Variants in STK26 observed in about 807,000 individuals in gnomAD.
STK26 encodes serine/threonine kinase 26, also known as serine/threonine-protein kinase 26.
Under a neutral mutation model 34.7 loss-of-function variants are expected in STK26, and 14 were observed. The observed-to-expected ratio is 0.40, with a 90% CI of 0.27 to 0.63. STK26 has a LOEUF of 0.63. STK26 is among the 30% of genes least tolerant of loss of function. The pLI is 0.38. For synonymous variants in STK26, 100 were observed against 109.8 expected, an observed-to-expected ratio of 0.91 and a Z score of 0.56; for missense variants, 226 against 309.1, an observed-to-expected ratio of 0.73 and a Z score of 2.02.
intron 3 of STK26, 36 bp downstream of exon 3, chrX:132,054,897 A>G: frequency 1.8e-6 from 2 of 1,082,240 alleles, no homozygotes; most frequent in Non-Finnish European, 2.5e-6. Flanking sequence ...GTCATAAGGT[A>G]TTTTCATTAG....
At chrX:132,047,807 C>T (rs73237339) in intron 2 of STK26, among the ~76,000 whole-genome samples, 8,518 of 111,578 alleles carry the variant, frequency 0.076, 323 homozygotes, top group Non-Finnish European at 0.11. Context: ...ATCATTTTCA[C>T]CAACATCTTT....
Position 132,056,762 on chromosome X carries a change from C to T in STK26, c.273+1901C>T, listed in dbSNP as rs747495926. On this transcript the variant is annotated intron_variant, in intron 3 of 11. Coordinates refer to ENST00000394334, the MANE Select transcript of STK26 (RefSeq NM_016542.4). ...TACCCCCTACTGCTGCACAGAGCTA[C>T]AGTGGCTCTGAGGGTGGCGTAGGGC... is the stretch of plus-strand genomic sequence containing the variant. 8.9e-5 allele frequency among the ~76,000 whole-genome samples: 10 copies of T among 112,682 alleles called. No individual in the cohort carries two copies. The South Asian group carries it at 3.6e-3, about 41-fold the overall frequency.
intron 2 of STK26, among the ~76,000 whole-genome samples, chrX:132,044,775 C>A (rs867357880): frequency 1.5e-4 from 5 of 34,059 alleles, no homozygotes; most frequent in African/African-American, 6.0e-4. Flanking sequence ...ATAGAGAGAT[C>A]TATATATATA....
At chrX:132,054,923 A>T in intron 3 of STK26, 62 bp downstream of exon 3, 1 of 993,742 alleles carries the variant, frequency 1.0e-6, no homozygotes, top group Non-Finnish European at 1.4e-6. Context: ...TTTTAATTCT[A>T]TTTTTTTGAA....
intron 8 of STK26, 138 bp downstream of exon 8, chrX:132,071,355 T>G (rs1184228301): frequency 9.9e-6 from 7 of 706,753 alleles, no homozygotes; most frequent in Non-Finnish European, 1.5e-5. Context: ...TGTAAAAATC[T>G]TTTTCAATCA....
chrX:132,074,168 T>C lies in STK26; in HGVS notation c.*9T>C. 1 of 1,204,345 alleles carries C rather than the reference T, an allele frequency of 8.3e-7. No individual in the cohort carries two copies. The highest frequency in any genetic ancestry group is 1.1e-6 in the Non-Finnish European group (1 of 891,148). ...CAGACGAATCCCCCTAAGAAACTTATTATTGGCTTCTGTTTCATATGGACC... is the reference window on the plus strand; with the variant it reads ...CAGACGAATCCCCCTAAGAAACTTACTATTGGCTTCTGTTTCATATGGACC... On this transcript the variant is annotated 3_prime_UTR_variant, in exon 12 of 12. Transcript: ENST00000394334.
intron 2 of STK26, among the ~76,000 whole-genome samples, chrX:132,047,526 C>G (rs1926538702): frequency 1.8e-5 from 2 of 110,838 alleles, no homozygotes; most frequent in African/African-American, 6.6e-5. Context: ...ACTGATAAAG[C>G]TGGAATTGGA....
chrX:132,046,982 A>T (rs1460645319), intron 2 of STK26, among the ~76,000 whole-genome samples: 1 of 112,476 alleles, frequency 8.9e-6, no homozygotes, highest in African/African-American at 3.2e-5. Context: ...TTGTACACTT[A>T]GTTAAAATAT....
chrX:132,046,292 C>A (rs1190675602), intron 2 of STK26, among the ~76,000 whole-genome samples: 1 of 111,150 alleles, frequency 9.0e-6, no homozygotes, highest in Non-Finnish European at 1.9e-5. Flanking sequence ...CCTATCCTCT[C>A]GTGAGTAGGA....
At chrX:132,036,649 A>T (rs186730915) in intron 2 of STK26, among the ~76,000 whole-genome samples, 1 of 111,675 alleles carries the variant, frequency 9.0e-6, no homozygotes, top group Non-Finnish European at 1.9e-5. Flanking sequence ...TCCCTAAGCG[A>T]CTTGCTTCCT....
intron 3 of STK26, among the ~76,000 whole-genome samples, chrX:132,059,723 G>A (rs1050996916): frequency 9.0e-6 from 1 of 110,909 alleles, no homozygotes; most frequent in African/African-American, 3.3e-5. Flanking sequence ...GCTGAAAATT[G>A]CCTTTAGATT....
intron 3 of STK26, among the ~76,000 whole-genome samples, chrX:132,061,711 A>G (rs754819341): frequency 2.0e-4 from 22 of 111,969 alleles, no homozygotes; most frequent in Non-Finnish European, 3.8e-4. Context: ...CTACAATGTC[A>G]GTTCCACTCT....
chrX:132,061,141 A>C (rs5933056), intron 3 of STK26, among the ~76,000 whole-genome samples: 7,784 of 112,116 alleles, frequency 0.069, 217 homozygotes, highest in South Asian at 0.1. Flanking sequence ...TCATTCATGC[A>C]GAACTGCAAA....
intron 9 of STK26, 102 bp downstream of exon 9, chrX:132,072,463 C>G: frequency 1.5e-6 from 1 of 657,293 alleles, no homozygotes; most frequent in Non-Finnish European, 2.4e-6. Context: ...CCCCTAAATG[C>G]CTGTCTGCCT....
chrX:132,023,541 C>A lies in STK26; in HGVS notation c.-77C>A. ...CGAAAAGCCTGGGAGGGCCGCCGAA[C>A]TACCCCCGGAGGGAGGAGCCAGTCC... On this transcript the variant is annotated 5_prime_UTR_variant, in exon 2 of 12. Coordinates refer to ENST00000394334, the MANE Select transcript of STK26 (RefSeq NM_016542.4). The A allele has an allele frequency of 8.9e-7, 1 of 1,129,386 alleles. No homozygotes were observed. Among genetic ancestry groups the A allele is most frequent in the East Asian group, 3.3e-5 (1 of 30,671 alleles). 93.1% of individuals were successfully genotyped at this position (1,129,386 alleles called of 1,213,427 possible).
At chrX:132,049,989 T>A (rs1266149677) in intron 2 of STK26, among the ~76,000 whole-genome samples, 2 of 111,186 alleles carry the variant, frequency 1.8e-5, no homozygotes, top group African/African-American at 6.6e-5. Flanking sequence ...CTTCCTTACA[T>A]CTATTATGTT....
intron 2 of STK26, among the ~76,000 whole-genome samples, chrX:132,043,511 A>G (rs1200809247): frequency 9.0e-6 from 1 of 111,440 alleles, no homozygotes; most frequent in African/African-American, 3.3e-5. Context: ...AGGGCTTGTT[A>G]TCAATCCCAG....
chrX:132,061,565 T>C (rs1452423455), intron 3 of STK26, among the ~76,000 whole-genome samples: 1 of 112,049 alleles, frequency 8.9e-6, no homozygotes, highest in Non-Finnish European at 1.9e-5. Flanking sequence ...GAGGAAGTGG[T>C]AGGGGAATAT....
chrX:132,039,444 G>C (rs1177810618), intron 2 of STK26, among the ~76,000 whole-genome samples: 1 of 111,363 alleles, frequency 9.0e-6, no homozygotes, highest in Non-Finnish European at 1.9e-5. Context: ...GAAATTGCCT[G>C]TGTGCCTTTC....
Sources: gnomAD v4.1 joint callset for allele counts (sites outside exome capture counted in the v4.1 genomes callset) on GRCh38, gnomAD v4.1.1 for gene constraint, MANE v1.5 for transcripts, NCBI Gene and HGNC (gene_info 2026-07-23, HGNC 2026-07-21) for gene names.